Variants in TLE3 observed in about 807,000 individuals in gnomAD.
The protein encoded by TLE3 is TLE family member 3, transcriptional corepressor.
A neutral mutation model predicts 93.0 loss-of-function variants in TLE3; 14 were observed. That is an observed-to-expected ratio of 0.15 (90% confidence interval 0.10 to 0.24). TLE3 has a LOEUF of 0.24. Ranked by LOEUF, TLE3 falls within the 10% of genes least tolerant of loss-of-function variation. The pLI is 1.00. For synonymous variants in TLE3, 451 were observed against 425.0 expected (o/e 1.06, Z -0.75); for missense variants, 693 against 1,046.6 (o/e 0.66, Z 4.66).
At chr15:70,096,082 TC>T in intron 2 of TLE3, 78 bp downstream of exon 2, 1 of 1,468,348 alleles carries the variant, frequency 6.8e-7, no homozygotes. Flanking sequence ...GCCCCCTCCG[TC>T]CCCGCGGGGG....
At chr15:70,094,597 T>G in intron 3 of TLE3, 21 bp from the exon 4 acceptor site, 4 of 1,520,372 alleles carry the variant, frequency 2.6e-6, no homozygotes, top group Non-Finnish European at 3.5e-6. Flanking sequence ...AAAGAATGGC[T>G]ATTAACAGAC....
rs1012837391 is a variant in TLE3, at chr15:70,083,748, C to A, written c.235-7590G>T. On this transcript the variant is annotated intron_variant, in intron 4 of 19. Coordinates refer to ENST00000451782, the MANE Select transcript of TLE3 (RefSeq NM_001105192.3). ...AGTCACATTACCCTTGCAGAGACAG[C>A]TCATTAAATTTTGGGGGTCTCCCCC... Among the ~76,000 whole-genome samples the A allele has an allele frequency of 3.9e-5, 6 of 152,040 alleles. No homozygotes were observed. In the South Asian group the frequency reaches 8.3e-4, roughly 21 times the overall value.
chr15:70,065,979 G>A, intron 7 of TLE3, 35 bp downstream of exon 7: 24 of 1,089,050 alleles, frequency 2.2e-5, no homozygotes, highest in Non-Finnish European at 3.2e-5. Context: ...GCCCACCCCT[G>A]CCCCGCCCCA....
At position 70,097,450 on chromosome 15, in the gene TLE3, C is replaced by T; in HGVS notation, c.-652G>A. The stretch of plus-strand genomic sequence containing the variant: ...AGCCTGCTGTTCCGTCTGCTACTGC[C>T]GCTGCCGCCGCCGCCGCCGCCGCTG... On this transcript the variant is annotated 5_prime_UTR_variant, in exon 1 of 20. Transcript: ENST00000451782. The T allele has an allele frequency of 2.4e-6, 1 of 417,344 alleles. No homozygotes were observed. Among genetic ancestry groups the T allele is most frequent in the Admixed American group, 4.3e-5 (1 of 22,996 alleles). The allele number at this position is 417,344 out of a possible 1,614,324, so 25.9% of individuals were successfully genotyped here. A position where few individuals can be genotyped will look rare whatever the true frequency, so the allele number is the denominator to read the frequency against.
At chr15:70,093,424 T>G (rs2058394798) in intron 4 of TLE3, among the ~76,000 whole-genome samples, 1 of 152,204 alleles carries the variant, frequency 6.6e-6, no homozygotes, top group South Asian at 2.1e-4. Flanking sequence ...TCCTGCCTCC[T>G]TAAAGAGCAA....
intron 13 of TLE3, 101 bp downstream of exon 13, chr15:70,057,357 AG>A: frequency 7.3e-7 from 1 of 1,363,282 alleles, no homozygotes; most frequent in South Asian, 1.5e-5. Flanking sequence ...CCTGGCCTTG[AG>A]ACCCTGAGGG....
At chr15:70,087,444 G>C (rs915186028) in intron 4 of TLE3, among the ~76,000 whole-genome samples, 6 of 152,214 alleles carry the variant, frequency 3.9e-5, no homozygotes, top group Non-Finnish European at 1.5e-5. Flanking sequence ...ATTCTAAGAG[G>C]CCGTAGCATT....
intron 4 of TLE3, among the ~76,000 whole-genome samples, chr15:70,088,148 T>C (rs2651499): frequency 0.2 from 30,418 of 152,206 alleles, 3,340 homozygotes; most frequent in Non-Finnish European, 0.25. Flanking sequence ...TGCAGCCCAC[T>C]GATTGTGCAA....
At chr15:70,087,909 T>C (rs1263953802) in intron 4 of TLE3, among the ~76,000 whole-genome samples, 1 of 152,236 alleles carries the variant, frequency 6.6e-6, no homozygotes. Flanking sequence ...CCGGGCCCCC[T>C]GGTTAACCCT....
intron 4 of TLE3, 38 bp downstream of exon 4, chr15:70,094,494 A>T: frequency 6.7e-7 from 1 of 1,489,364 alleles, no homozygotes; most frequent in Non-Finnish European, 9.0e-7. Context: ...TAAGTTTTTA[A>T]AAAATGAAAT....
At chr15:70,072,195 C>A (rs1022239768) in intron 6 of TLE3, among the ~76,000 whole-genome samples, 3 of 152,194 alleles carry the variant, frequency 2.0e-5, no homozygotes, top group Non-Finnish European at 4.4e-5. Flanking sequence ...CGAGCTGCCT[C>A]GACCTAACTT....
intron 12 of TLE3, 52 bp from the exon 13 acceptor site, chr15:70,057,710 C>T: frequency 5.2e-6 from 8 of 1,530,750 alleles, no homozygotes; most frequent in Non-Finnish European, 7.0e-6. Context: ...TGGGACATGG[C>T]CATGGCCGCC....
chr15:70,064,999 GC>G (rs1349989984), intron 7 of TLE3, among the ~76,000 whole-genome samples: 1 of 151,788 alleles, frequency 6.6e-6, no homozygotes, highest in African/African-American at 2.4e-5. Flanking sequence ...GCCCCTAAAA[GC>G]TGAAGCCTCT....
intron 4 of TLE3, among the ~76,000 whole-genome samples, chr15:70,082,971 GGGATGGTTA>G (rs112211180): frequency 0.044 from 6,690 of 152,212 alleles, 277 homozygotes; most frequent in African/African-American, 0.11. Flanking sequence ...AAGGGAACTG[GGGATGGTTA>G]GGCCAAGCTA....
At chr15:70,054,735 C>G (rs757338578) in intron 15 of TLE3, 50 bp from the exon 16 acceptor site, 1 of 1,507,396 alleles carries the variant, frequency 6.6e-7, no homozygotes, top group Non-Finnish European at 8.9e-7. Flanking sequence ...CCCTCCTGGG[C>G]ACCAGGAGAG....
intron 4 of TLE3, chr15:70,079,538 C>G (rs910900979): frequency 2.7e-5 from 11 of 405,532 alleles, no homozygotes; most frequent in Admixed American, 4.6e-5. Flanking sequence ...CTCTTGGGGT[C>G]TCCCCACAAA....
rs1339171793 is a variant in TLE3 at position 70,049,883 on chromosome 15, G to C, written c.*214C>G. ...TTGTTCAGGGGGAGGAGGAGGAGCA[G>C]AACCCTTCCGAGTCTGTGAGACACA... On this transcript the variant is annotated 3_prime_UTR_variant, in exon 20 of 20. Transcript: ENST00000451782. 1 of 520,174 alleles carries C rather than the reference G, an allele frequency of 1.9e-6. No homozygotes were observed. Among genetic ancestry groups the C allele is most frequent in the Non-Finnish European group, 3.5e-6 (1 of 287,684 alleles). The allele number at this position is 520,174 out of a possible 1,614,324, so 32.2% of individuals were successfully genotyped here.
chr15:70,090,021 T>C (rs1323237774), intron 4 of TLE3, among the ~76,000 whole-genome samples: 6 of 152,144 alleles, frequency 3.9e-5, no homozygotes, highest in African/African-American at 1.4e-4. Context: ...CCAGGGTCAT[T>C]TCAATGACAA....
At chr15:70,065,615 G>A (rs28581932) in intron 7 of TLE3, among the ~76,000 whole-genome samples, 1,644 of 152,318 alleles carry the variant, frequency 0.011, 28 homozygotes, top group African/African-American at 0.038. Context: ...GATGTAAGAC[G>A]ACAGTAACAA....
Sources: gnomAD v4.1 joint callset for allele counts (sites outside exome capture counted in the v4.1 genomes callset) on GRCh38, gnomAD v4.1.1 for gene constraint, MANE v1.5 for transcripts, NCBI Gene and HGNC (gene_info 2026-07-23, HGNC 2026-07-21) for gene names.